The following FGF14 variants were observed in gnomAD, a reference collection of about 807,000 sequenced individuals.
FGF14 encodes the protein fibroblast growth factor 14.
In FGF14, 5 loss-of-function variants were observed where a neutral mutation model predicts 25.5. The observed-to-expected ratio is 0.20, with a 90% CI of 0.10 to 0.41. The LOEUF (loss-of-function observed/expected upper bound fraction) is 0.41. Ranked by LOEUF, FGF14 falls within the 10% of genes least tolerant of loss-of-function variation. FGF14 has a pLI of 1.00. For missense variants in FGF14, 222 were observed against 320.1 expected, an observed-to-expected ratio of 0.69 and a Z score of 2.34; for synonymous variants, 138 against 118.3, an observed-to-expected ratio of 1.17 and a Z score of -1.08.
At chr13:102,340,662 G>A (rs1433721993) in intron 1 of FGF14, among the ~76,000 whole-genome samples, 1 of 152,132 alleles carries the variant, frequency 6.6e-6, no homozygotes, top group Non-Finnish European at 1.5e-5. Flanking sequence ...AAGAAATAGA[G>A]AAAGTGTCCA....
chr13:102,394,896 A>G (rs953089790), intron 1 of FGF14: 1 of 152,234 alleles, frequency 6.6e-6, no homozygotes, highest in African/African-American at 2.4e-5. Context: ...AAAACAAATA[A>G]TGACACACTT....
chr13:101,807,919 G>A (rs1178474305), intron 3 of FGF14, among the ~76,000 whole-genome samples: 1 of 152,044 alleles, frequency 6.6e-6, no homozygotes, highest in African/African-American at 2.4e-5. Flanking sequence ...GTTTTATATA[G>A]TACAGAAATG....
At chr13:101,952,376 C>G (rs1286531925) in intron 1 of FGF14, among the ~76,000 whole-genome samples, 1 of 151,198 alleles carries the variant, frequency 6.6e-6, no homozygotes, top group African/African-American at 2.4e-5. Flanking sequence ...TCTTTTACAC[C>G]TGTCTTCATA....
intron 3 of FGF14, among the ~76,000 whole-genome samples, chr13:101,731,182 C>T (rs950318898): frequency 1.1e-4 from 16 of 152,140 alleles, no homozygotes; most frequent in Non-Finnish European, 2.2e-4. Flanking sequence ...TTGATAGTTG[C>T]TATACAGTTG....
chr13:102,326,693 G>GGGAAGGGAGGAA (rs2056445953), intron 1 of FGF14, among the ~76,000 whole-genome samples: 1 of 29,344 alleles, frequency 3.4e-5, no homozygotes, highest in Non-Finnish European at 6.3e-5. Flanking sequence ...GGGAAGGGAA[G>GGGAAGGGAGGAA]GGAAGGAAGG....
At chr13:101,760,083 G>C (rs1184634550) in intron 3 of FGF14, among the ~76,000 whole-genome samples, 4 of 152,160 alleles carry the variant, frequency 2.6e-5, no homozygotes, top group Non-Finnish European at 5.9e-5. Context: ...TACAGTACTA[G>C]CAACTAAAGA....
intron 3 of FGF14, among the ~76,000 whole-genome samples, chr13:101,810,414 T>C (rs561182124): frequency 2.0e-5 from 3 of 152,340 alleles, no homozygotes; most frequent in Admixed American, 6.5e-5. Flanking sequence ...CTTCCCACCA[T>C]TTACATCATG....
intron 1 of FGF14, among the ~76,000 whole-genome samples, chr13:101,938,601 A>G (rs1359523708): frequency 3.3e-5 from 5 of 152,210 alleles, no homozygotes; most frequent in African/African-American, 1.2e-4. Context: ...CCTTTTATAA[A>G]TTAATGAGGA....
intron 1 of FGF14, among the ~76,000 whole-genome samples, chr13:102,307,708 C>A (rs1015452565): frequency 7.2e-5 from 11 of 152,104 alleles, no homozygotes; most frequent in African/African-American, 2.7e-4. Context: ...TGTATTAATT[C>A]ATTTAATCTT....
intron 3 of FGF14, among the ~76,000 whole-genome samples, chr13:101,785,091 T>G (rs1388926524): frequency 2.0e-5 from 3 of 152,186 alleles, no homozygotes; most frequent in Non-Finnish European, 2.9e-5. Flanking sequence ...TTGAGTAGAA[T>G]GAGAAGTGCA....
intron 1 of FGF14, among the ~76,000 whole-genome samples, chr13:102,055,074 A>G (rs1224184158): frequency 2.6e-5 from 4 of 152,108 alleles, no homozygotes; most frequent in African/African-American, 9.7e-5. Flanking sequence ...ATCTCACCAT[A>G]CCCACTTAAA....
chr13:101,892,240 A>T (rs1421828656), intron 1 of FGF14, among the ~76,000 whole-genome samples: 2 of 152,164 alleles, frequency 1.3e-5, no homozygotes, highest in African/African-American at 4.8e-5. Flanking sequence ...CCTAAGGAAA[A>T]GTGCCTTATA....
At chr13:102,186,143 T>A (rs1300920106) in intron 1 of FGF14, among the ~76,000 whole-genome samples, 2 of 152,202 alleles carry the variant, frequency 1.3e-5, no homozygotes, top group African/African-American at 4.8e-5. Flanking sequence ...TAACTAAAGC[T>A]GATAGTTTAC....
At chr13:101,785,352 TAA>T (rs67849618) in intron 3 of FGF14, among the ~76,000 whole-genome samples, 39 of 140,100 alleles carry the variant, frequency 2.8e-4, no homozygotes, top group Middle Eastern at 3.7e-3. Flanking sequence ...TCCCAAAGAT[TAA>T]AAAAAAAAAA....
intron 1 of FGF14, among the ~76,000 whole-genome samples, chr13:102,155,582 C>G (rs1400778789): frequency 1.3e-5 from 2 of 151,990 alleles, no homozygotes; most frequent in Non-Finnish European, 2.9e-5. Flanking sequence ...AATTGACACC[C>G]TAACATCACA....
intron 1 of FGF14, among the ~76,000 whole-genome samples, chr13:102,178,443 C>T (rs1205056425): frequency 1.3e-5 from 2 of 152,034 alleles, no homozygotes; most frequent in Non-Finnish European, 2.9e-5. Flanking sequence ...AGTTTTATTT[C>T]ATGGATATAA....
chr13:101,849,444 G>T (rs1433982171), intron 3 of FGF14, among the ~76,000 whole-genome samples: 1 of 152,050 alleles, frequency 6.6e-6, no homozygotes, highest in Admixed American at 6.6e-5. Context: ...TGCACAAAAA[G>T]TAGGAAGGTC....
At chr13:101,734,597 C>T (rs2036044657) in intron 3 of FGF14, among the ~76,000 whole-genome samples, 1 of 152,108 alleles carries the variant, frequency 6.6e-6, no homozygotes, top group Non-Finnish European at 1.5e-5. Context: ...CATTTTTACA[C>T]ATTTGTCAGT....
At chr13:102,300,738 T>C (rs903850835) in intron 1 of FGF14, among the ~76,000 whole-genome samples, 5 of 152,146 alleles carry the variant, frequency 3.3e-5, no homozygotes, top group African/African-American at 1.2e-4. Context: ...TGCATATTTG[T>C]TGACTAAAGT....
Sources: gnomAD v4.1 joint callset for allele counts (sites outside exome capture counted in the v4.1 genomes callset) on GRCh38, gnomAD v4.1.1 for gene constraint, MANE v1.5 for transcripts, NCBI Gene and HGNC (gene_info 2026-07-23, HGNC 2026-07-21) for gene names.